Variants in SDK1 observed in about 807,000 individuals in gnomAD.
SDK1 encodes the protein protein sidekick-1.
SDK1 carries 157 observed loss-of-function variants against 245.5 expected under a neutral mutation model. The observed-to-expected ratio is 0.64, with a 90% CI of 0.56 to 0.73. The LOEUF is 0.73. SDK1 is among the 30% of genes least tolerant of loss of function. The pLI is 0.00. For missense variants in SDK1, 3,583 were observed against 3,002.3 expected, an observed-to-expected ratio of 1.19 and a Z score of -4.52; for synonymous variants, 1,647 against 1,278.5, an observed-to-expected ratio of 1.29 and a Z score of -6.15.
At chr7:3,370,908 C>G (rs530164849) in intron 1 of SDK1, among the ~76,000 whole-genome samples, 2 of 152,130 alleles carry the variant, frequency 1.3e-5, no homozygotes, top group African/African-American at 4.8e-5. Flanking sequence ...TCCACTAGCT[C>G]CTTTCTCTCC....
chr7:3,373,319 A>C (rs1781272875), intron 1 of SDK1, among the ~76,000 whole-genome samples: 1 of 152,250 alleles, frequency 6.6e-6, no homozygotes, highest in African/African-American at 2.4e-5. Context: ...AGTGAAGAAC[A>C]GAATGGTTGT....
intron 1 of SDK1, among the ~76,000 whole-genome samples, chr7:3,328,827 G>C (rs1032586925): frequency 3.3e-5 from 5 of 152,072 alleles, no homozygotes; most frequent in African/African-American, 1.2e-4. Context: ...GTCATGGGCT[G>C]TTAGGTTGTT....
chr7:3,545,138 C>G (rs947024078), intron 1 of SDK1, among the ~76,000 whole-genome samples: 1 of 152,044 alleles, frequency 6.6e-6, no homozygotes, highest in African/African-American at 2.4e-5. Context: ...TGACCAAAGC[C>G]AACTTTAGGA....
chr7:4,267,217 C>A lies in SDK1; in HGVS notation c.*1833C>A. ...CCTTCCTTTCCTTTACCCCTCCTTT[C>A]CTTCCTTCCTCCCTTCCTCTCTTCT... On this transcript the variant is annotated 3_prime_UTR_variant, in exon 45 of 45. Coordinates refer to ENST00000404826, the MANE Select transcript of SDK1 (RefSeq NM_152744.4). 1.1e-6 allele frequency: 1 copy of A among 897,698 alleles called. No individual in the cohort carries two copies. Among genetic ancestry groups the A allele is most frequent in the Non-Finnish European group, 1.3e-6 (1 of 750,552 alleles). The allele number at this position is 897,698 out of a possible 1,614,324, so 55.6% of individuals were successfully genotyped here. A position where few individuals can be genotyped will look rare whatever the true frequency, so the allele number is the denominator to read the frequency against.
At chr7:3,765,244 G>C (rs1204158741) in intron 4 of SDK1, among the ~76,000 whole-genome samples, 1 of 152,030 alleles carries the variant, frequency 6.6e-6, no homozygotes, top group South Asian at 2.1e-4. Context: ...CCATATATTA[G>C]TAGTTTGTTC....
rs141055998 is a variant in SDK1, at chr7:4,237,660, C to T, written c.6006C>T (p.Ala2002=). ...TCTTTTCCACAGCTCAAGTGGAAGC[C>T]CCATTCTACGAGGAGTGGTGGTTCC... ...PSTAVSAQVE[A]PFYEEWWFLL... is the part of the protein sequence containing the mutation. The change falls in exon 42 of 45, where the codon GCC becomes GCT. Residue 2002 remains alanine, a synonymous_variant. Transcript: ENST00000404826. 31 of 1,614,130 alleles carry T rather than the reference C, an allele frequency of 1.9e-5. No homozygotes were observed. In the African/African-American group the frequency reaches 3.7e-4, roughly 19 times the overall value.
chr7:3,636,300 C>G (rs1782455670), intron 2 of SDK1, among the ~76,000 whole-genome samples: 1 of 152,180 alleles, frequency 6.6e-6, no homozygotes, highest in African/African-American at 2.4e-5. Context: ...CTATGCTGCA[C>G]AGAAGCTCTG....
At chr7:3,743,190 G>C (rs1779524532) in intron 4 of SDK1, among the ~76,000 whole-genome samples, 1 of 152,192 alleles carries the variant, frequency 6.6e-6, no homozygotes, top group Non-Finnish European at 1.5e-5. Flanking sequence ...AGGTAAGAGA[G>C]GGTGGGGAGA....
chr7:4,162,369 G>GTTATTATTA (rs533484732), intron 32 of SDK1, among the ~76,000 whole-genome samples: 264 of 128,366 alleles, frequency 2.1e-3, no homozygotes, highest in South Asian at 4.6e-3. Context: ...TGTTGTTGTT[G>GTTATTATTA]TTATTATTAT....
Position 3,627,856 on chromosome 7 carries a change from C to T in SDK1, c.458+8617C>T, listed in dbSNP as rs1419778086. ...AAAAATCCACATATTACACCCACCCCCATTGGGCTATTTACATATGACTTT... is the reference window on the plus strand; with the variant it reads ...AAAAATCCACATATTACACCCACCCTCATTGGGCTATTTACATATGACTTT... On this transcript the variant is annotated intron_variant, in intron 2 of 44. Coordinates refer to ENST00000404826, the MANE Select transcript of SDK1 (RefSeq NM_152744.4). Among the ~76,000 whole-genome samples, 7 of 152,322 alleles carry T rather than the reference C, an allele frequency of 4.6e-5. No homozygotes were observed. The East Asian group carries it at 1.4e-3, about 29-fold the overall frequency.
intron 1 of SDK1, among the ~76,000 whole-genome samples, chr7:3,373,031 T>C (rs1435585947): frequency 6.6e-6 from 1 of 152,252 alleles, no homozygotes; most frequent in Non-Finnish European, 1.5e-5. Context: ...GTTTATTCTA[T>C]GCTCAATATT....
At chr7:3,705,315 C>T (rs993574304) in intron 4 of SDK1, among the ~76,000 whole-genome samples, 8 of 151,922 alleles carry the variant, frequency 5.3e-5, no homozygotes. Context: ...TCTTTCAATC[C>T]ATGAGCATGG....
intron 1 of SDK1, among the ~76,000 whole-genome samples, chr7:3,515,605 T>C (rs1405273971): frequency 2.0e-5 from 3 of 152,236 alleles, no homozygotes; most frequent in Admixed American, 6.5e-5. Context: ...ACTTCTCTTA[T>C]GCTCCAAAAT....
chr7:3,865,529 G>A (rs1780799748), intron 5 of SDK1, among the ~76,000 whole-genome samples: 1 of 152,124 alleles, frequency 6.6e-6, no homozygotes, highest in South Asian at 2.1e-4. Flanking sequence ...TTATTTTGGA[G>A]ACAAGGTCTC....
At chr7:4,152,570 T>C (rs1780457252) in intron 30 of SDK1, among the ~76,000 whole-genome samples, 1 of 152,036 alleles carries the variant, frequency 6.6e-6, no homozygotes, top group African/African-American at 2.4e-5. Context: ...CAAGGAGAGG[T>C]CCATGTTTCA....
chr7:3,920,244 G>C lies in SDK1; in HGVS notation c.848-30679G>C, dbSNP rs114290767. 4.7e-3 allele frequency among the ~76,000 whole-genome samples: 719 copies of C among 152,300 alleles called. 7 individuals carry two copies. Among genetic ancestry groups the C allele is most frequent in the African/African-American group, 0.016 (681 of 41,560 alleles). On this transcript the variant is annotated intron_variant, in intron 5 of 44. Transcript: ENST00000404826. ...TGTGGGTCGGGGTGATTCGTTGAAA[G>C]ATCTTAGCCTAGGGGTGTTTTAGGA... is the stretch of plus-strand genomic sequence containing the variant.
At chr7:3,362,005 C>T (rs747473909) in intron 1 of SDK1, among the ~76,000 whole-genome samples, 18 of 152,140 alleles carry the variant, frequency 1.2e-4, no homozygotes, top group Non-Finnish European at 2.2e-4. Flanking sequence ...TTGCAAAACT[C>T]TCACAACTAA....
intron 3 of SDK1, among the ~76,000 whole-genome samples, chr7:3,641,563 G>A (rs975119002): frequency 2.0e-5 from 3 of 152,166 alleles, no homozygotes; most frequent in South Asian, 4.1e-4. Flanking sequence ...GGGCTGGAAC[G>A]AGTTTGAAAG....
chr7:4,061,895 C>T (rs1218735648), intron 19 of SDK1, among the ~76,000 whole-genome samples: 1 of 146,876 alleles, frequency 6.8e-6, no homozygotes, highest in South Asian at 2.1e-4. Context: ...AAAAACCAAA[C>T]ACGGCATATT....
Sources: allele counts gnomAD v4.1 joint callset (sites outside exome capture counted in the v4.1 genomes callset), GRCh38; gene constraint gnomAD v4.1.1; transcripts MANE v1.5; gene names NCBI Gene and HGNC (gene_info 2026-07-23, HGNC 2026-07-21).